C16orf92: variants seen among roughly 807,000 people sequenced by gnomAD.
The protein encoded by C16orf92 is fertilization-influencing membrane protein.
Under a neutral mutation model 13.7 loss-of-function variants are expected in C16orf92, and 14 were observed. The observed-to-expected ratio is 1.02, with a 90% confidence interval of 0.67 to 1.60. The LOEUF (loss-of-function observed/expected upper bound fraction) is 1.60. C16orf92 is among the 40% of genes most tolerant of loss of function. C16orf92 has a pLI of 0.00. For synonymous variants in C16orf92, 50 were observed against 57.4 expected (o/e 0.87, Z 0.58); for missense variants, 116 against 139.0 (o/e 0.83, Z 0.83).
chr16:30,026,089 G>A (rs1596734117), downstream of C16orf92, among the ~76,000 whole-genome samples: 1 of 152,132 alleles, frequency 6.6e-6, no homozygotes, highest in African/African-American at 2.4e-5. Flanking sequence ...AAAAAAATTA[G>A]CCAGGCGTGT....
rs1185978356 is a variant in C16orf92, at chr16:30,023,878, T to G, written c.216T>G (p.Ile72Met). The G allele has an allele frequency of 6.2e-7, 1 of 1,611,404 alleles. No individual in the cohort carries two copies. Among genetic ancestry groups the G allele is most frequent in the Admixed American group, 1.7e-5 (1 of 59,996 alleles). Reference protein sequence around the residue: ...QFIGEKPIVFINSGSSPGLFH... With the variant: ...QFIGEKPIVFMNSGSSPGLFH... ...TTGGAGAGAAACCCATCGTGTTCAT[T>G]AACTCAGGTATGAACCAGCTTGAGA... is the stretch of plus-strand genomic sequence containing the variant. The change falls in exon 2 of 4, where the codon ATT (isoleucine) becomes ATG (methionine). Residue 72 changes from isoleucine to methionine, a missense_variant. Coordinates refer to ENST00000681219, the MANE Select transcript of C16orf92 (RefSeq NM_001109659.2).
rs376833812 is a variant in C16orf92 at position 30,023,504 on chromosome 16, A to G, written c.64+100A>G. 24 of 1,405,296 alleles carry G rather than the reference A, an allele frequency of 1.7e-5. No individual in the cohort carries two copies. In the South Asian group the frequency reaches 2.8e-4, roughly 16 times the overall value. 87.1% of individuals were successfully genotyped at this position (1,405,296 alleles called of 1,614,324 possible). ...TCGGAAGCCAACCCTGCACCCTCTC[A>G]TTTTCTCTCCACTCTTCTCTCCCAT... is the stretch of plus-strand genomic sequence containing the variant. On this transcript the variant is annotated intron_variant, in intron 1 of 3. Coordinates refer to ENST00000681219, the MANE Select transcript of C16orf92 (RefSeq NM_001109659.2).
downstream of C16orf92, chr16:30,025,320 T>C: frequency 2.5e-6 from 4 of 1,570,350 alleles, no homozygotes; most frequent in Non-Finnish European, 3.5e-6. The surrounding 1 kb of genome is among the most constrained non-coding windows in gnomAD (Gnocchi z 4.1). Context: ...TGGGCAGGGA[T>C]GGCCAGGGGC....
downstream of C16orf92, among the ~76,000 whole-genome samples, chr16:30,026,265 G>A (rs1341632652): frequency 6.6e-6 from 1 of 152,118 alleles, no homozygotes; most frequent in Admixed American, 6.5e-5. Context: ...GAACACCTGG[G>A]TGCAGGAGCA....
chr16:30,026,786 G>A, downstream of C16orf92: 1 of 1,614,180 alleles, frequency 6.2e-7, no homozygotes, highest in East Asian at 2.2e-5. Flanking sequence ...ACATGGCGTA[G>A]ATGTCGTAGA....
At chr16:30,025,063 A>G, downstream of C16orf92, 2 of 653,356 alleles carry the variant, frequency 3.1e-6, no homozygotes, top group Non-Finnish European at 2.5e-6. This position sits in a 1 kb window ranked among gnomAD's most constrained non-coding sequence, Gnocchi z 4.1. Context: ...TTTCGGGGTC[A>G]TCGTCAGTCC....
chr16:30,027,495 C>T (rs1378650630), downstream of C16orf92: 2 of 443,354 alleles, frequency 4.5e-6, no homozygotes, highest in East Asian at 7.1e-5. Context: ...CCAGAAGATC[C>T]GAGAGGCATC....
At chr16:30,025,078 G>A, downstream of C16orf92, 2 of 753,870 alleles carry the variant, frequency 2.7e-6, no homozygotes, top group Non-Finnish European at 4.1e-6. The surrounding 1 kb of genome is among the most constrained non-coding windows in gnomAD (Gnocchi z 4.1). Flanking sequence ...CAGTCCTGGG[G>A]TTGTCCGGGC....
At chr16:30,025,214 C>G, downstream of C16orf92, 1 of 1,498,242 alleles carries the variant, frequency 6.7e-7, no homozygotes, top group Non-Finnish European at 8.9e-7. This position sits in a 1 kb window ranked among gnomAD's most constrained non-coding sequence, Gnocchi z 4.1. Context: ...CGGGGGCGGC[C>G]GGGAGCGGGG....
At chr16:30,025,511 G>A (rs199659704), downstream of C16orf92, 551 of 1,601,488 alleles carry the variant, frequency 3.4e-4, 3 homozygotes, top group African/African-American at 6.6e-3. The surrounding 1 kb of genome is among the most constrained non-coding windows in gnomAD (Gnocchi z 4.1). Context: ...AGAAGGGCTC[G>A]GCCCCCCTTG....
rs1028957903 is a variant in C16orf92 at position 30,023,405 on chromosome 16, G to T, written c.64+1G>T. 2 of 1,611,466 alleles carry T rather than the reference G, an allele frequency of 1.2e-6. No homozygotes were observed. The highest frequency in any genetic ancestry group is 1.7e-6 in the Non-Finnish European group (2 of 1,179,110). On this transcript the variant is annotated splice_donor_variant, in intron 1 of 3. Coordinates refer to ENST00000681219, the MANE Select transcript of C16orf92 (RefSeq NM_001109659.2). LOFTEE classifies it high-confidence loss of function. ...GCTGCACTAGGGGCCATAGAAACTGGTAAGAAGCTGTCTTGGGAGCAGCAG... is the reference window on the plus strand; with the variant it reads ...GCTGCACTAGGGGCCATAGAAACTGTTAAGAAGCTGTCTTGGGAGCAGCAG...
At chr16:30,023,580 C>T (rs2070950574) in intron 1 of C16orf92, 147 bp from the exon 2 acceptor site, 5 of 1,492,902 alleles carry the variant, frequency 3.3e-6, no homozygotes, top group Non-Finnish European at 3.7e-6. Context: ...TCGTGGTGCA[C>T]CCAGCTGACC....
At chr16:30,025,505 G>A (rs201472538), downstream of C16orf92, 23 of 1,606,892 alleles carry the variant, frequency 1.4e-5, no homozygotes, top group Non-Finnish European at 2.0e-5. The surrounding 1 kb of genome is among the most constrained non-coding windows in gnomAD (Gnocchi z 4.1). Flanking sequence ...GGCAGCAGAA[G>A]GGCTCGGCCC....
At chr16:30,025,609 T>G (rs749812403), downstream of C16orf92, 59 of 1,460,468 alleles carry the variant, frequency 4.0e-5, no homozygotes, top group Non-Finnish European at 5.5e-5. The surrounding 1 kb of genome is among the most constrained non-coding windows in gnomAD (Gnocchi z 4.1). Flanking sequence ...GTGCTCAAAA[T>G]GCACGGGGTG....
At chr16:30,023,702 G>C in intron 1 of C16orf92, 25 bp from the exon 2 acceptor site, 1 of 1,614,136 alleles carries the variant, frequency 6.2e-7, no homozygotes, top group Non-Finnish European at 8.5e-7. Context: ...CTTGGCTGTT[G>C]TCACAGAGTT....
At chr16:30,025,496 G>T (rs772678484), downstream of C16orf92, 11 of 1,608,524 alleles carry the variant, frequency 6.8e-6, no homozygotes, top group African/African-American at 1.3e-5. The surrounding 1 kb of genome is among the most constrained non-coding windows in gnomAD (Gnocchi z 4.1). Context: ...AGTGGCCACG[G>T]CAGCAGAAGG....
In C16orf92 at chr16:30,024,484, C is replaced by A; in HGVS notation, c.*257C>A. ...TCTGTAAAGCACCTCCCAGGGTCCC[C>A]CGACCCCAGATTGGAGGAAGCCTTG... On this transcript the variant is annotated 3_prime_UTR_variant, in exon 4 of 4. Transcript: ENST00000681219. 1.8e-6 allele frequency: 1 copy of A among 559,006 alleles called. No homozygotes were observed. Among genetic ancestry groups the A allele is most frequent in the Non-Finnish European group, 3.1e-6 (1 of 317,684 alleles). 34.6% of individuals were successfully genotyped at this position (559,006 alleles called of 1,614,324 possible).
At chr16:30,025,806 TA>T (rs777081900), downstream of C16orf92, 1 of 1,613,892 alleles carries the variant, frequency 6.2e-7, no homozygotes, top group South Asian at 1.1e-5. This position sits in a 1 kb window ranked among gnomAD's most constrained non-coding sequence, Gnocchi z 4.1. Context: ...AAGTCTCCCT[TA>T]CCCTGTCGCC....
chr16:30,027,169 G>T (rs143939300), downstream of C16orf92: 1 of 485,708 alleles, frequency 2.1e-6, no homozygotes, highest in South Asian at 1.5e-5. Flanking sequence ...GCCCAGGACA[G>T]GCAGGTGGGA....
Sources: gnomAD v4.1 joint callset for allele counts (sites outside exome capture counted in the v4.1 genomes callset) on GRCh38, gnomAD v4.1.1 for gene constraint, Gnocchi (gnomAD v3.1) non-coding constraint, MANE v1.5 for transcripts, NCBI Gene and HGNC (gene_info 2026-07-23, HGNC 2026-07-21) for gene names.